The following RFX6 variants were observed in gnomAD, a reference collection of about 807,000 sequenced individuals.
RFX6 encodes DNA-binding protein RFX6.
In RFX6, 50 loss-of-function variants were observed where a neutral mutation model predicts 110.8. The ratio of observed to expected loss-of-function variants is 0.45; its 90% CI spans 0.36 to 0.57. The LOEUF is 0.57. Among genes scored for constraint, RFX6 ranks in the 20% least tolerant of loss-of-function variants. The pLI is 0.00. For synonymous variants in RFX6, 383 were observed against 411.2 expected (o/e 0.93, Z 0.83); for missense variants, 990 against 1,127.0 (o/e 0.88, Z 1.74).
intron 4 of RFX6, among the ~76,000 whole-genome samples, chr6:116,891,026 A>G (rs1379562328): frequency 6.6e-6 from 1 of 152,222 alleles, no homozygotes; most frequent in Non-Finnish European, 1.5e-5. Context: ...CTTAAAATGT[A>G]GCAATTTTTT....
chr6:116,899,166 T>G (rs1346120232), intron 6 of RFX6, among the ~76,000 whole-genome samples: 1 of 151,930 alleles, frequency 6.6e-6, no homozygotes, highest in Admixed American at 6.6e-5. Flanking sequence ...GCATACTGCC[T>G]ATTTGGAAAA....
chr6:116,904,267 C>T (rs2114681826), intron 6 of RFX6, among the ~76,000 whole-genome samples: 1 of 152,052 alleles, frequency 6.6e-6, no homozygotes, highest in East Asian at 1.9e-4. Context: ...GTTCTGGATA[C>T]TAATATCCTG....
At chr6:116,908,727 G>A (rs1775268109) in intron 6 of RFX6, among the ~76,000 whole-genome samples, 1 of 151,208 alleles carries the variant, frequency 6.6e-6, no homozygotes, top group African/African-American at 2.4e-5. Context: ...GAGGGATTGA[G>A]AGAGAGAGAG....
Position 116,916,197 on chromosome 6 carries a change from C to T in RFX6, c.859-4C>T. On this transcript the variant is annotated splice_polypyrimidine_tract_variant and splice_region_variant and intron_variant, in intron 8 of 18. Coordinates refer to ENST00000332958, the MANE Select transcript of RFX6 (RefSeq NM_173560.4). ...TCTTAACATACTTTTTACTCTGCAA[C>T]TAGATCCAGCATTTTTTATTACACT... 10 of 1,607,828 alleles carry T rather than the reference C, an allele frequency of 6.2e-6. No individual in the cohort carries two copies. The highest frequency in any genetic ancestry group is 4.0e-5 in the African/African-American group (3 of 74,802).
intron 3 of RFX6, among the ~76,000 whole-genome samples, chr6:116,881,627 T>C (rs1436206222): frequency 6.6e-6 from 1 of 152,230 alleles, no homozygotes; most frequent in East Asian, 1.9e-4. Flanking sequence ...TTACTCATTC[T>C]ATTAAATGAG....
intron 7 of RFX6, among the ~76,000 whole-genome samples, chr6:116,915,000 C>T (rs1042800399): frequency 3.9e-5 from 6 of 152,108 alleles, no homozygotes; most frequent in East Asian, 1.9e-4. Flanking sequence ...ATTAGAGCTG[C>T]GATTGAAATC....
Position 116,921,331 on chromosome 6 carries a change from G to T in RFX6, c.1328-711G>T, listed in dbSNP as rs577251610. On this transcript the variant is annotated intron_variant, in intron 12 of 18. Coordinates refer to ENST00000332958, the MANE Select transcript of RFX6 (RefSeq NM_173560.4). ...TTCAGGTAAATGGCTCAATTCTGCT[G>T]AGAAGAAATTAACTTTTACTAAAGA... 5.3e-5 allele frequency among the ~76,000 whole-genome samples: 8 copies of T among 152,296 alleles called. No homozygotes were observed. In the South Asian group the frequency reaches 1.7e-3, roughly 32 times the overall value.
At chr6:116,886,865 C>T (rs952098172) in intron 4 of RFX6, among the ~76,000 whole-genome samples, 3 of 151,960 alleles carry the variant, frequency 2.0e-5, no homozygotes, top group Non-Finnish European at 2.9e-5. Context: ...GAGATTGAGA[C>T]CATCCTGGCT....
chr6:116,929,277 C>T (rs1775830116), intron 18 of RFX6, among the ~76,000 whole-genome samples: 1 of 152,104 alleles, frequency 6.6e-6, no homozygotes, highest in Non-Finnish European at 1.5e-5. Context: ...CAGTCTAAAA[C>T]TGTAAGTTTT....
intron 1 of RFX6, 97 bp downstream of exon 1, chr6:116,877,595 C>A: frequency 2.7e-6 from 3 of 1,103,708 alleles, no homozygotes; most frequent in South Asian, 1.6e-5. Flanking sequence ...AAACATAAGG[C>A]AGATATAGAA....
chr6:116,899,936 T>TA (rs1277916129), intron 6 of RFX6, among the ~76,000 whole-genome samples: 1 of 151,988 alleles, frequency 6.6e-6, no homozygotes, highest in Non-Finnish European at 1.5e-5. Context: ...CCATAGTACA[T>TA]AAAAAATCCT....
intron 7 of RFX6, among the ~76,000 whole-genome samples, chr6:116,913,087 A>G (rs759314466): frequency 5.3e-5 from 8 of 151,986 alleles, no homozygotes; most frequent in Non-Finnish European, 5.9e-5. Flanking sequence ...TTCTTTTGAG[A>G]CAGACCCTCC....
intron 10 of RFX6, among the ~76,000 whole-genome samples, chr6:116,918,757 C>T (rs1046445347): frequency 4.0e-5 from 6 of 151,896 alleles, no homozygotes. Flanking sequence ...TTTTATTTAC[C>T]TTTTCCTCCA....
chr6:116,879,922 T>C (rs1446911855), intron 2 of RFX6, among the ~76,000 whole-genome samples: 2 of 152,032 alleles, frequency 1.3e-5, no homozygotes, highest in Non-Finnish European at 2.9e-5. Context: ...GAGATATCTA[T>C]AGAGAATTAC....
chr6:116,907,001 G>C (rs1775218250), intron 6 of RFX6, among the ~76,000 whole-genome samples: 1 of 151,584 alleles, frequency 6.6e-6, no homozygotes, highest in Non-Finnish European at 1.5e-5. Context: ...GTTTTCTATA[G>C]GTTTTTCATA....
At chr6:116,882,570 A>AAG in intron 4 of RFX6, 142 bp downstream of exon 4, 1 of 91,836 alleles carries the variant, frequency 1.1e-5, no homozygotes, top group South Asian at 1.7e-4. Flanking sequence ...GTGAGAACTG[A>AAG]AAAAAAAAAA....
chr6:116,912,294 T>C (rs1400232009), intron 7 of RFX6, among the ~76,000 whole-genome samples: 1 of 151,886 alleles, frequency 6.6e-6, no homozygotes, highest in Non-Finnish European at 1.5e-5. Flanking sequence ...CTTGGTATAC[T>C]TACGTAACAA....
At chr6:116,915,969 A>G in intron 7 of RFX6, 39 bp from the exon 8 acceptor site, 1 of 1,373,346 alleles carries the variant, frequency 7.3e-7, no homozygotes, top group South Asian at 1.2e-5. Context: ...GGCAGTGTTA[A>G]AAGGATGCTT....
rs780042019 is a variant in RFX6, at chr6:116,877,961, C to T, written c.380+9C>T. 3.1e-6 allele frequency: 5 copies of T among 1,613,468 alleles called. No homozygotes were observed. The highest frequency in any genetic ancestry group is 4.2e-6 in the Non-Finnish European group (5 of 1,179,432). ...CAGCTCACGCTGCAGTGGTGAGACT[C>T]GCCCGCAGGGTACACTGAAGCACCT... On this transcript the variant is annotated intron_variant, in intron 2 of 18. Coordinates refer to ENST00000332958, the MANE Select transcript of RFX6 (RefSeq NM_173560.4).
Sources: gnomAD v4.1 joint callset for allele counts (sites outside exome capture counted in the v4.1 genomes callset) on GRCh38, gnomAD v4.1.1 for gene constraint, MANE v1.5 for transcripts, NCBI Gene and HGNC (gene_info 2026-07-23, HGNC 2026-07-21) for gene names.